Variants in ELAC1 observed in about 807,000 individuals in gnomAD.
ELAC1 encodes zinc phosphodiesterase ELAC protein 1.
In ELAC1, 19 loss-of-function variants were observed where a neutral mutation model predicts 25.8. The observed-to-expected ratio is 0.74, with a 90% CI of 0.51 to 1.08. The LOEUF is 1.08. Ranked by LOEUF, ELAC1 falls within the 50% of genes least tolerant of loss-of-function variation. ELAC1 has a pLI of 0.00. For synonymous variants in ELAC1, 148 were observed against 160.9 expected (o/e 0.92, Z 0.61); for missense variants, 403 against 434.6 (o/e 0.93, Z 0.65).
At chr18:50,973,744 G>A (rs1907724267) in intron 1 of ELAC1, among the ~76,000 whole-genome samples, 2 of 152,026 alleles carry the variant, frequency 1.3e-5, no homozygotes, top group Middle Eastern at 3.4e-3. Flanking sequence ...AGTACAGAGT[G>A]TTCCCATATA....
chr18:50,986,517 G>C, intron 3 of ELAC1, 102 bp from the exon 4 acceptor site: 1 of 871,972 alleles, frequency 1.1e-6, no homozygotes, highest in Non-Finnish European at 1.8e-6. Flanking sequence ...TAACAATTAT[G>C]GATGCCTTTT....
rs749831260 is a variant in ELAC1, at chr18:50,986,722, T to C, written c.729T>C (p.Ile243=). ...CCCAAGATGTCTTAAAAAAGCCTAT[T>C]GTTGGAAGAAAAATCTGCATATTGG... is the stretch of plus-strand genomic sequence containing the variant. ...ISPQDVLKKP[I]VGRKICILGD... The change falls in exon 4 of 4, where the codon ATT becomes ATC. Residue 243 remains isoleucine (I), a synonymous_variant. Transcript: ENST00000269466. 1 of 1,614,168 alleles carries C rather than the reference T, an allele frequency of 6.2e-7. No homozygotes were observed. The highest frequency in any genetic ancestry group is 2.2e-5 in the East Asian group (1 of 44,882).
chr18:50,977,915 A>G (rs1907837327), intron 2 of ELAC1, among the ~76,000 whole-genome samples: 1 of 152,160 alleles, frequency 6.6e-6, no homozygotes, highest in African/African-American at 2.4e-5. Context: ...ACCCTAAAGC[A>G]TCTCTCTCAA....
chr18:50,972,328 G>A (rs1389779514), intron 1 of ELAC1, among the ~76,000 whole-genome samples: 1 of 152,030 alleles, frequency 6.6e-6, no homozygotes, highest in Non-Finnish European at 1.5e-5. Flanking sequence ...TGCTAGAATA[G>A]CCAATTATGT....
chr18:50,976,210 C>G lies in ELAC1; in HGVS notation c.157+1649C>G, dbSNP rs186228828. Among the ~76,000 whole-genome samples, 206 of 152,242 alleles carry G rather than the reference C, an allele frequency of 1.4e-3. 1 individual carries two copies. Among genetic ancestry groups the G allele is most frequent in the Non-Finnish European group, 2.5e-3 (167 of 68,026 alleles). On this transcript the variant is annotated intron_variant, in intron 2 of 3. Coordinates refer to ENST00000269466, the MANE Select transcript of ELAC1 (RefSeq NM_018696.3). ...CGTTTGTGTTTTAGGACAGAGTTTT[C>G]TGATGGCACATGTATTGGGAGAGAG...
rs1165144885 is a variant in ELAC1 at position 50,986,860 on chromosome 18, T to C, written c.867T>C (p.His289=). The C allele has an allele frequency of 1.2e-6, 2 of 1,614,030 alleles. No homozygotes were observed. Among genetic ancestry groups the C allele is most frequent in the African/African-American group, 1.3e-5 (1 of 74,912 alleles). The change falls in exon 4 of 4, where the codon CAT becomes CAC. Residue 289 remains histidine, a synonymous_variant. Transcript: ENST00000269466. ...DDAQMDKAKE[H]GHSTPQMAAT... ...CCCAGATGGACAAAGCAAAGGAGCA[T>C]GGCCACAGCACACCACAGATGGCAG... is the stretch of plus-strand genomic sequence containing the variant.
chr18:50,971,483 G>C (rs548495331), intron 1 of ELAC1, among the ~76,000 whole-genome samples: 2 of 152,284 alleles, frequency 1.3e-5, no homozygotes, highest in South Asian at 4.1e-4. Context: ...AACCTTCCAG[G>C]TTCCAATGAT....
At position 50,974,680 on chromosome 18, in the gene ELAC1, A is replaced by G. The variant is rs754637357; in HGVS notation, c.157+119A>G. The G allele has an allele frequency of 3.4e-5, 32 of 933,890 alleles. No individual in the cohort carries two copies. The East Asian group carries it at 8.3e-4, about 24-fold the overall frequency. The allele number at this position is 933,890 out of a possible 1,614,324, so 57.9% of individuals were successfully genotyped here. A position where few individuals can be genotyped will look rare whatever the true frequency, so the allele number is the denominator to read the frequency against. ...GATGGTTGCATCCCACTTCAGTGCT[A>G]CACCCTGGTGAGACTTGGAAGGCCT... On this transcript the variant is annotated intron_variant, in intron 2 of 3. Transcript: ENST00000269466.
chr18:50,984,262 ACT>A lies in ELAC1; in HGVS notation c.330_331del (p.Thr112GlyfsTer10). 1 of 1,614,096 alleles carries A rather than the reference ACT, an allele frequency of 6.2e-7. No homozygotes were observed. Among genetic ancestry groups the A allele is most frequent in the South Asian group, 1.1e-5 (1 of 91,072 alleles). ...LRDFIWRTME[L>X]SHTELVFHYV... ...GGGACTTTATCTGGCGAACCATGGA[ACT>A]CTCTCACACGGAGCTGGTCTTCCAT... On this transcript the variant is annotated frameshift_variant, in exon 3 of 4. Coordinates refer to ENST00000269466, the MANE Select transcript of ELAC1 (RefSeq NM_018696.3). LOFTEE classifies it high-confidence loss of function.
chr18:50,979,235 A>G (rs1203411459), intron 2 of ELAC1, among the ~76,000 whole-genome samples: 1 of 152,332 alleles, frequency 6.6e-6, no homozygotes, highest in East Asian at 1.9e-4. Context: ...TGCATTTATT[A>G]TCTCCTAGTT....
At chr18:50,979,113 G>C (rs971747700) in intron 2 of ELAC1, among the ~76,000 whole-genome samples, 2 of 152,230 alleles carry the variant, frequency 1.3e-5, no homozygotes, top group African/African-American at 4.8e-5. Context: ...AAATTGTTAA[G>C]TGTGAGTACC....
At chr18:50,973,960 G>GAA (rs1907728414) in intron 1 of ELAC1, among the ~76,000 whole-genome samples, 1 of 152,208 alleles carries the variant, frequency 6.6e-6, no homozygotes, top group Admixed American at 6.5e-5. Context: ...TCTGTGTACA[G>GAA]TTGACCAATG....
chr18:50,982,805 C>A (rs1907988190), intron 2 of ELAC1, among the ~76,000 whole-genome samples: 1 of 152,132 alleles, frequency 6.6e-6, no homozygotes, highest in Non-Finnish European at 1.5e-5. Context: ...CTTCTCAGTT[C>A]TTCATCTTTT....
At chr18:50,977,134 C>A (rs1907814753) in intron 2 of ELAC1, among the ~76,000 whole-genome samples, 1 of 152,222 alleles carries the variant, frequency 6.6e-6, no homozygotes, top group Non-Finnish European at 1.5e-5. Flanking sequence ...CTTTTCCATG[C>A]ACACAGTGTA....
intron 2 of ELAC1, among the ~76,000 whole-genome samples, chr18:50,983,816 T>TG (rs1394175514): frequency 6.6e-6 from 1 of 151,192 alleles, no homozygotes; most frequent in Non-Finnish European, 1.5e-5. Context: ...ATCACACCAC[T>TG]GCACTCCAGC....
At chr18:50,970,570 G>T (rs921248664) in intron 1 of ELAC1, among the ~76,000 whole-genome samples, 2 of 151,916 alleles carry the variant, frequency 1.3e-5, no homozygotes, top group African/African-American at 2.4e-5. Context: ...TTAAGGTAGA[G>T]ATGCACCACC....
In ELAC1 at chr18:50,984,580, T is replaced by G; in HGVS notation, c.625+17T>G. The G allele has an allele frequency of 6.3e-7, 1 of 1,585,454 alleles. No individual in the cohort carries two copies. The highest frequency in any genetic ancestry group is 8.6e-7 in the Non-Finnish European group (1 of 1,160,640). On this transcript the variant is annotated intron_variant, in intron 3 of 3. Transcript: ENST00000269466. The stretch of plus-strand genomic sequence containing the variant: ...AAGACCTTGGTAAGTGTTTTTTTGT[T>G]TTTTGTTTTTTCCCGCCTTCTCATC...
At chr18:50,973,312 A>C (rs1289100714) in intron 1 of ELAC1, among the ~76,000 whole-genome samples, 1 of 152,212 alleles carries the variant, frequency 6.6e-6, no homozygotes, top group Non-Finnish European at 1.5e-5. Context: ...ATTTCAGTTC[A>C]TTCTAATATA....
intron 1 of ELAC1, among the ~76,000 whole-genome samples, chr18:50,972,527 G>T (rs1179233442): frequency 6.6e-6 from 1 of 152,138 alleles, no homozygotes; most frequent in Non-Finnish European, 1.5e-5. Flanking sequence ...TGTCACCCAG[G>T]CTGGAGTGCA....
Sources: allele counts gnomAD v4.1 joint callset (sites outside exome capture counted in the v4.1 genomes callset), GRCh38; gene constraint gnomAD v4.1.1; transcripts MANE v1.5; gene names NCBI Gene and HGNC (gene_info 2026-07-23, HGNC 2026-07-21).